The following PARD3B variants were observed in gnomAD, a reference collection of about 807,000 sequenced individuals.
PARD3B encodes the protein par-3 family cell polarity regulator beta.
Under a neutral mutation model 130.2 loss-of-function variants are expected in PARD3B, and 103 were observed. That is an observed-to-expected ratio of 0.79 (90% CI 0.67 to 0.93). The LOEUF (loss-of-function observed/expected upper bound fraction) is 0.93, where lower values mean the gene tolerates loss of function less well. PARD3B is among the 40% of genes least tolerant of loss of function. The pLI, the probability that PARD3B is intolerant of heterozygous loss-of-function variation, is 0.00. For missense variants in PARD3B, 1,609 were observed against 1,499.2 expected (o/e 1.07, Z -1.21); for synonymous variants, 583 against 553.2 (o/e 1.05, Z -0.76).
At chr2:205,267,994 T>G (rs1247518870) in intron 16 of PARD3B, among the ~76,000 whole-genome samples, 1 of 152,198 alleles carries the variant, frequency 6.6e-6, no homozygotes, top group African/African-American at 2.4e-5. Flanking sequence ...TGGCACCAAC[T>G]CTATTGGTTA....
rs2040175720 is a variant in PARD3B, at chr2:205,258,343, T to C, written c.2185+12521T>C. 6.6e-6 allele frequency among the ~76,000 whole-genome samples: 1 copy of C among 152,180 alleles called. No homozygotes were observed. Among genetic ancestry groups the C allele is most frequent in the African/African-American group, 2.4e-5 (1 of 41,448 alleles). On this transcript the variant is annotated intron_variant, in intron 16 of 22. Coordinates refer to ENST00000406610, the MANE Select transcript of PARD3B (RefSeq NM_001302769.2). The surrounding 1 kb of genome is among the most constrained non-coding windows in gnomAD (Gnocchi z 4.9). ...CATGCATTCGATTAGCCCAGAGTGATCTTCCACTCTATACGGCTGATTCAC... is the reference window on the plus strand; with the variant it reads ...CATGCATTCGATTAGCCCAGAGTGACCTTCCACTCTATACGGCTGATTCAC...
intron 2 of PARD3B, among the ~76,000 whole-genome samples, chr2:204,877,858 A>G (rs1208574715): frequency 6.6e-6 from 1 of 152,166 alleles, no homozygotes; most frequent in Admixed American, 6.6e-5. Flanking sequence ...ATTGTTGTTC[A>G]TTTCAGAGAG....
At chr2:205,475,100 C>A (rs2048980558) in intron 20 of PARD3B, among the ~76,000 whole-genome samples, 1 of 152,106 alleles carries the variant, frequency 6.6e-6, no homozygotes, top group Non-Finnish European at 1.5e-5. Flanking sequence ...ATTATGCACC[C>A]AGGTCTTTTA....
chr2:205,232,703 A>G (rs1215070613), intron 15 of PARD3B, among the ~76,000 whole-genome samples: 2 of 152,226 alleles, frequency 1.3e-5, no homozygotes, highest in African/African-American at 4.8e-5. Flanking sequence ...TATGGAAGAT[A>G]TAAAAGAAGA....
intron 4 of PARD3B, among the ~76,000 whole-genome samples, chr2:205,062,443 C>T (rs536718870): frequency 6.6e-6 from 1 of 152,100 alleles, no homozygotes; most frequent in Non-Finnish European, 1.5e-5. Context: ...CTGCTCCCCG[C>T]TCCCACCCAA....
At chr2:205,527,215 A>G (rs576937583) in intron 21 of PARD3B, among the ~76,000 whole-genome samples, 6 of 152,274 alleles carry the variant, frequency 3.9e-5, no homozygotes, top group Middle Eastern at 3.4e-3. Flanking sequence ...TAAACACTCT[A>G]TTTGGAAACA....
intron 2 of PARD3B, among the ~76,000 whole-genome samples, chr2:204,688,845 G>A (rs943867928): frequency 2.6e-5 from 4 of 152,040 alleles, no homozygotes; most frequent in African/African-American, 9.7e-5. Flanking sequence ...TTGCAAATTG[G>A]CTACCTAATA....
chr2:205,395,491 C>G (rs1261240093), intron 18 of PARD3B, among the ~76,000 whole-genome samples: 1 of 152,164 alleles, frequency 6.6e-6, no homozygotes, highest in Non-Finnish European at 1.5e-5. Context: ...CCTGCCTCTC[C>G]CCCAACCCCC....
chr2:205,223,591 G>T lies in PARD3B; in HGVS notation c.2141-22187G>T, dbSNP rs188541161. Among the ~76,000 whole-genome samples, 13 of 151,506 alleles carry T rather than the reference G, an allele frequency of 8.6e-5. No individual in the cohort carries two copies. In the East Asian group the frequency reaches 2.3e-3, roughly 27 times the overall value. On this transcript the variant is annotated intron_variant, in intron 15 of 22. Coordinates refer to ENST00000406610, the MANE Select transcript of PARD3B (RefSeq NM_001302769.2). ...GGTTTCTTTTCAGTCTGCCCACTCAGCTGCTTTCTTTTTATGGTCCTGTAT... is the reference window on the plus strand; with the variant it reads ...GGTTTCTTTTCAGTCTGCCCACTCATCTGCTTTCTTTTTATGGTCCTGTAT...
rs375618687 is a variant in PARD3B at position 205,158,784 on chromosome 2, C to A, written c.1497C>A (p.Ile499=). 3.1e-6 allele frequency: 5 copies of A among 1,614,126 alleles called. No individual in the cohort carries two copies. In the African/African-American group the frequency reaches 4.0e-5, roughly 13 times the overall value. ...LETSEQLTFE[I]PLNDSGSAGL... is the part of the protein sequence containing the mutation. ...CAAGCGAGCAGCTCACCTTTGAGAT[C>A]CCCCTGAATGATTCAGGTTCTGCTG... Residue 499 remains isoleucine (I), a synonymous_variant, in exon 11 of 23, where the codon ATC becomes ATA. Transcript: ENST00000406610. This position sits in a 1 kb window ranked among gnomAD's most constrained non-coding sequence, Gnocchi z 5.4.
intron 18 of PARD3B, among the ~76,000 whole-genome samples, chr2:205,368,927 T>C (rs559972156): frequency 1.3e-5 from 2 of 152,232 alleles, no homozygotes; most frequent in East Asian, 3.9e-4. Flanking sequence ...CTTGTCTTCC[T>C]CCTGACTCAG....
intron 18 of PARD3B, among the ~76,000 whole-genome samples, chr2:205,382,752 G>T (rs2045497810): frequency 6.6e-6 from 1 of 151,886 alleles, no homozygotes; most frequent in African/African-American, 2.4e-5. Flanking sequence ...GAGATTCATG[G>T]ATATTTATTT....
rs1294664490 is a variant in PARD3B at position 205,057,476 on chromosome 2, CATGTGT to C, written c.504+9795_504+9800del. Among the ~76,000 whole-genome samples the C allele has an allele frequency of 4.5e-5, 6 of 134,044 alleles. No homozygotes were observed. In the Admixed American group the frequency reaches 4.6e-4, roughly 10 times the overall value. 87.9% of individuals were successfully genotyped at this position (134,044 alleles called of 152,430 possible). On this transcript the variant is annotated intron_variant, in intron 4 of 22. Transcript: ENST00000406610. The stretch of plus-strand genomic sequence containing the variant: ...TATATACATGTATATGTGTTATATA[CATGTGT>C]ATGTGTATATGTATATATACATATA...
Position 205,253,681 on chromosome 2 carries a change from G to A in PARD3B, c.2185+7859G>A, listed in dbSNP as rs1238556565. ...GGTTAGATGATGAAGGTAGTAGAAG[G>A]CAAGGATGATTGGGAGTAGAAGGAA... On this transcript the variant is annotated intron_variant, in intron 16 of 22. Coordinates refer to ENST00000406610, the MANE Select transcript of PARD3B (RefSeq NM_001302769.2). This position sits in a 1 kb window ranked among gnomAD's most constrained non-coding sequence, Gnocchi z 4.4. Among the ~76,000 whole-genome samples, 1 of 152,148 alleles carries A rather than the reference G, an allele frequency of 6.6e-6. No individual in the cohort carries two copies. The highest frequency in any genetic ancestry group is 2.4e-5 in the African/African-American group (1 of 41,450).
At chr2:204,963,369 T>G (rs1690922402) in intron 2 of PARD3B, among the ~76,000 whole-genome samples, 2 of 152,144 alleles carry the variant, frequency 1.3e-5, no homozygotes, top group Admixed American at 6.6e-5. Flanking sequence ...TTTTTTCTCG[T>G]TTTTCCAGTA....
chr2:204,779,250 G>A (rs539554874), intron 2 of PARD3B, among the ~76,000 whole-genome samples: 1 of 151,934 alleles, frequency 6.6e-6, no homozygotes, highest in South Asian at 2.1e-4. Flanking sequence ...TTTTTTTAGC[G>A]AGTTAGCTCC....
chr2:205,489,522 T>TATATACGTAGATATATAC (rs1559141351), intron 20 of PARD3B, among the ~76,000 whole-genome samples: 1 of 126,416 alleles, frequency 7.9e-6, no homozygotes, highest in South Asian at 2.5e-4. Flanking sequence ...TATATATATA[T>TATATACGTAGATATATAC]ACACACATAT....
chr2:205,299,822 C>T (rs143250182), intron 16 of PARD3B, among the ~76,000 whole-genome samples: 1 of 152,036 alleles, frequency 6.6e-6, no homozygotes, highest in African/African-American at 2.4e-5. Flanking sequence ...TTTCTAGATA[C>T]CAAATAGGAA....
Position 204,720,268 on chromosome 2 carries a change from G to T in PARD3B, c.222+33986G>T, listed in dbSNP as rs543975193. Among the ~76,000 whole-genome samples, 7 of 152,328 alleles carry T rather than the reference G, an allele frequency of 4.6e-5. No individual in the cohort carries two copies. In the South Asian group the frequency reaches 1.5e-3, roughly 32 times the overall value. On this transcript the variant is annotated intron_variant, in intron 2 of 22. Coordinates refer to ENST00000406610, the MANE Select transcript of PARD3B (RefSeq NM_001302769.2). ...AACGGATAGAAGCTACATTAGGTCTGTTGCCACGTGAGAATCCTTGGTGCT... is the reference window on the plus strand; with the variant it reads ...AACGGATAGAAGCTACATTAGGTCTTTTGCCACGTGAGAATCCTTGGTGCT...
Sources: gnomAD v4.1 joint callset for allele counts (sites outside exome capture counted in the v4.1 genomes callset) on GRCh38, gnomAD v4.1.1 for gene constraint, Gnocchi (gnomAD v3.1) non-coding constraint, MANE v1.5 for transcripts, NCBI Gene and HGNC (gene_info 2026-07-23, HGNC 2026-07-21) for gene names.